Variants in CACNA1E observed in about 807,000 individuals in gnomAD.
The protein encoded by CACNA1E is calcium voltage-gated channel subunit alpha1 E, also known as voltage-dependent R-type calcium channel subunit alpha-1E.
CACNA1E carries 40 observed loss-of-function variants against 259.2 expected under a neutral mutation model. The observed-to-expected ratio is 0.15, with a 90% confidence interval of 0.12 to 0.20. The LOEUF (loss-of-function observed/expected upper bound fraction) is 0.20. CACNA1E is among the 10% of genes least tolerant of loss of function. The probability of loss-of-function intolerance (pLI) is 1.00; values close to 1 mark genes in which losing one functional copy is unlikely to be tolerated. For missense variants in CACNA1E, 1,874 were observed against 3,040.1 expected, an observed-to-expected ratio of 0.62 and a Z score of 9.02; for synonymous variants, 1,104 against 1,138.5, an observed-to-expected ratio of 0.97 and a Z score of 0.61.
At chr1:181,621,644 T>C (rs1655728088) in intron 6 of CACNA1E, among the ~76,000 whole-genome samples, 1 of 152,146 alleles carries the variant, frequency 6.6e-6, no homozygotes. Flanking sequence ...GAATGAGATA[T>C]AGTGAATAAA....
intron 6 of CACNA1E, among the ~76,000 whole-genome samples, chr1:181,592,883 A>AT (rs1469710735): frequency 2.0e-5 from 3 of 151,834 alleles, no homozygotes; most frequent in Non-Finnish European, 4.4e-5. Context: ...TACAAGGTAC[A>AT]TTTTTTTTAA....
chr1:181,382,414 G>A (rs1655519327), intron 1 of CACNA1E, among the ~76,000 whole-genome samples: 1 of 152,208 alleles, frequency 6.6e-6, no homozygotes, highest in East Asian at 1.9e-4. Flanking sequence ...TGCTTGTGGA[G>A]TGGGGAGGAG....
intron 2 of CACNA1E, among the ~76,000 whole-genome samples, chr1:181,469,987 G>C (rs1662387648): frequency 6.6e-6 from 1 of 152,000 alleles, no homozygotes; most frequent in Non-Finnish European, 1.5e-5. Context: ...AGTGGAGGAG[G>C]CTTTCCAGTG....
At position 181,798,258 on chromosome 1, in the gene CACNA1E, C is replaced by G; in HGVS notation, c.6400-34C>G. 3 of 1,530,048 alleles carry G rather than the reference C, an allele frequency of 2.0e-6. No individual in the cohort carries two copies. The highest frequency in any genetic ancestry group is 2.7e-6 in the Non-Finnish European group (3 of 1,132,040). The allele number at this position is 1,530,048 out of a possible 1,614,324, so 94.8% of individuals were successfully genotyped here. A position where few individuals can be genotyped will look rare whatever the true frequency, so the allele number is the denominator to read the frequency against. On this transcript the variant is annotated intron_variant, in intron 47 of 47. Transcript: ENST00000367573. The surrounding 1 kb of genome is among the most constrained non-coding windows in gnomAD (Gnocchi z 4.2). ...TTGCAAGTAGGGATCATGCCAAGCC[C>G]AATCTAACATGCCATGTCTCTCCTG... is the stretch of plus-strand genomic sequence containing the variant.
At chr1:181,479,782 C>T (rs988330315), upstream of CACNA1E, among the ~76,000 whole-genome samples, 3 of 152,118 alleles carry the variant, frequency 2.0e-5, no homozygotes, top group African/African-American at 4.8e-5. Flanking sequence ...TAGAAAGAGC[C>T]GCAGATTGGA....
chr1:181,600,264 G>A lies in CACNA1E; in HGVS notation c.951+19488G>A, dbSNP rs779708004. Reference sequence around the variant, plus strand: ...GCTTGAGCACTCTGAGGGGCAAGAGGTCAGAGAGAGGGTCAGGGCCAGATC... The same window carrying A: ...GCTTGAGCACTCTGAGGGGCAAGAGATCAGAGAGAGGGTCAGGGCCAGATC... On this transcript the variant is annotated intron_variant, in intron 6 of 47. Transcript: ENST00000367573. Among the ~76,000 whole-genome samples the A allele has an allele frequency of 1.4e-4, 21 of 152,238 alleles. 1 individual carries two copies. Among genetic ancestry groups the A allele is most frequent in the Non-Finnish European group, 2.1e-4 (14 of 68,046 alleles).
intron 28 of CACNA1E, among the ~76,000 whole-genome samples, chr1:181,755,753 G>A (rs1234707367): frequency 2.0e-5 from 3 of 152,166 alleles, no homozygotes; most frequent in African/African-American, 4.8e-5. Flanking sequence ...AAAGGGTTAG[G>A]ATTTACTCCT....
At chr1:181,621,090 C>T (rs7525813) in intron 6 of CACNA1E, among the ~76,000 whole-genome samples, 15 of 152,170 alleles carry the variant, frequency 9.9e-5, no homozygotes, top group African/African-American at 2.7e-4. Context: ...AAATATTTAT[C>T]GTCTGGCATC....
At chr1:181,476,610 G>T (rs545853699) in intron 2 of CACNA1E, among the ~76,000 whole-genome samples, 1 of 152,320 alleles carries the variant, frequency 6.6e-6, no homozygotes, top group South Asian at 2.1e-4. Flanking sequence ...CCTCCTTTGG[G>T]CTAGCCCCTG....
Position 181,736,396 on chromosome 1 carries a change from G to A in CACNA1E, c.3384G>A (p.Val1128=). 6.2e-7 allele frequency: 1 copy of A among 1,612,734 alleles called. No homozygotes were observed. The highest frequency in any genetic ancestry group is 8.5e-7 in the Non-Finnish European group (1 of 1,179,384). ...KEKRETGKAM[V]PHSSMFIFST... is the part of the protein sequence containing the mutation. The stretch of plus-strand genomic sequence containing the variant: ...AGCGTGAGACAGGCAAAGCCATGGT[G>A]CCCCACAGCTCAATGTTCATCTTCA... The change falls in exon 22 of 48, where the codon GTG becomes GTA. Residue 1128 remains valine, a synonymous_variant. Transcript: ENST00000367573.
chr1:181,760,406 C>T (rs1019173949), intron 32 of CACNA1E, among the ~76,000 whole-genome samples: 1 of 152,156 alleles, frequency 6.6e-6, no homozygotes, highest in African/African-American at 2.4e-5. Flanking sequence ...CTCAGTGACT[C>T]TGAAATAGGC....
At chr1:181,456,037 G>A (rs768566829) in intron 2 of CACNA1E, among the ~76,000 whole-genome samples, 19 of 152,172 alleles carry the variant, frequency 1.2e-4, no homozygotes, top group Non-Finnish European at 1.8e-4. Flanking sequence ...GAAGAATTTG[G>A]TTTCAGGGAT....
chr1:181,596,533 G>C (rs528721864), intron 6 of CACNA1E, among the ~76,000 whole-genome samples: 9 of 148,346 alleles, frequency 6.1e-5, no homozygotes, highest in African/African-American at 2.0e-4. Context: ...CATCTCCAGA[G>C]AGTAGTCTTC....
At chr1:181,749,263 G>A (rs139467664) in intron 25 of CACNA1E, among the ~76,000 whole-genome samples, 1,782 of 152,290 alleles carry the variant, frequency 0.012, 33 homozygotes, top group African/African-American at 0.039. Flanking sequence ...TGAATTATGA[G>A]CACTTCTTCT....
intron 46 of CACNA1E, among the ~76,000 whole-genome samples, chr1:181,796,312 A>G (rs1009701921): frequency 2.0e-5 from 3 of 152,132 alleles, no homozygotes; most frequent in African/African-American, 7.2e-5. Context: ...AATAACATGT[A>G]TTTGTCATGG....
At chr1:181,592,491 G>C (rs887458399) in intron 6 of CACNA1E, among the ~76,000 whole-genome samples, 1 of 116,008 alleles carries the variant, frequency 8.6e-6, no homozygotes, top group Non-Finnish European at 1.7e-5. Context: ...TCCAGTGACC[G>C]GTGGGGGGTG....
At chr1:181,441,092 A>C (rs1271645117) in intron 2 of CACNA1E, among the ~76,000 whole-genome samples, 1 of 149,294 alleles carries the variant, frequency 6.7e-6, no homozygotes, top group Non-Finnish European at 1.5e-5. Context: ...TCTGTGTTCC[A>C]CAGTGGATGG....
chr1:181,619,232 G>A (rs551269177), intron 6 of CACNA1E, among the ~76,000 whole-genome samples: 2 of 130,284 alleles, frequency 1.5e-5, no homozygotes, highest in South Asian at 2.7e-4. Flanking sequence ...TTTATATGGG[G>A]TAGTTAGGAA....
intron 7 of CACNA1E, among the ~76,000 whole-genome samples, chr1:181,697,094 C>T (rs759150571): frequency 7.2e-5 from 11 of 152,092 alleles, no homozygotes; most frequent in Non-Finnish European, 1.5e-4. Context: ...CATCTGAGTA[C>T]ATCCTCAGAG....
Sources: gnomAD v4.1 joint callset for allele counts (sites outside exome capture counted in the v4.1 genomes callset) on GRCh38, gnomAD v4.1.1 for gene constraint, Gnocchi (gnomAD v3.1) non-coding constraint, MANE v1.5 for transcripts, NCBI Gene and HGNC (gene_info 2026-07-23, HGNC 2026-07-21) for gene names.